The following PJA1 variants were observed in gnomAD, a reference collection of about 807,000 sequenced individuals.
PJA1 encodes E3 ubiquitin-protein ligase Praja-1.
A neutral mutation model predicts 14.1 loss-of-function variants in PJA1; 5 were observed. The ratio of observed to expected loss-of-function variants is 0.35; its 90% CI spans 0.18 to 0.74. PJA1 has a LOEUF of 0.74. Among genes scored for constraint, PJA1 ranks in the 30% least tolerant of loss-of-function variants. The pLI, the probability that PJA1 is intolerant of heterozygous loss-of-function variation, is 0.56. For synonymous variants in PJA1, 174 were observed against 190.9 expected (o/e 0.91, Z 0.73); for missense variants, 394 against 482.6 (o/e 0.82, Z 1.72).
intron 1 of PJA1, among the ~76,000 whole-genome samples, chrX:69,163,838 T>C (rs1325568442): frequency 9.0e-6 from 1 of 110,572 alleles, no homozygotes; most frequent in Admixed American, 9.6e-5. Flanking sequence ...GTATGAGTGT[T>C]AGAATGAGAC....
chrX:69,161,983 G>A lies in PJA1; in HGVS notation c.1091C>T (p.Pro364Leu), dbSNP rs372015478. 48 of 1,210,480 alleles carry A rather than the reference G, an allele frequency of 4.0e-5. No individual in the cohort carries two copies. Among genetic ancestry groups the A allele is most frequent in the Non-Finnish European group, 5.3e-5 (47 of 895,127 alleles). Reference protein sequence around the residue: ...VSASTGTSPGPGASASAGAGA... With the variant: ...VSASTGTSPGLGASASAGAGA... ...AGCCCCGGCACTGGCACTAGCACCG[G>A]GGCCAGGGCTGGTGCCAGTGCTGGC... The change falls in exon 2 of 2, where the codon CCC becomes CTC. Residue 364 changes from proline to leucine, a missense_variant. Pro to Leu is a moderately conservative substitution (Grantham distance 98). Around this residue, in one of 2 missense-constraint regions of PJA1, gnomAD observed 378 missense variants for 439.3 expected, o/e 0.86. Transcript: ENST00000374571.
At position 69,162,026 on chromosome X, in the gene PJA1, G is replaced by C. The variant is rs1436954253; in HGVS notation, c.1048C>G (p.Pro350Ala). The C allele has an allele frequency of 8.3e-7, 1 of 1,210,932 alleles. No homozygotes were observed. Among genetic ancestry groups the C allele is most frequent in the East Asian group, 3.0e-5 (1 of 33,702 alleles). Residue 350 changes from proline (P) to alanine (A), a missense_variant, in exon 2 of 2, where the codon CCA becomes GCA. This residue lies in a region of PJA1 where 378 missense variants were observed against 439.3 expected (regional missense o/e 0.86). Coordinates refer to ENST00000374571, the MANE Select transcript of PJA1 (RefSeq NM_001032396.4). ...TLPGKEEREP[P>A]QAKVSASTGT... ...GTGCTGGCACTCACCTTAGCCTGTG[G>C]AGGTTCCCGCTCTTCTTTCCCCGGC...
chrX:69,161,886 T>C lies in PJA1; in HGVS notation c.1188A>G (p.Glu396=), dbSNP rs150261275. The C allele has an allele frequency of 1.5e-3, 1,826 of 1,209,109 alleles. 2 individuals are homozygous for C. Among genetic ancestry groups the C allele is most frequent in the Non-Finnish European group, 1.9e-3 (1,722 of 894,914 alleles). Residue 396 remains glutamate, a synonymous_variant, in exon 2 of 2, where the codon GAA becomes GAG. Coordinates refer to ENST00000374571, the MANE Select transcript of PJA1 (RefSeq NM_001032396.4). The stretch of plus-strand genomic sequence containing the variant: ...CTCCTTCTTCCAGGGATGCCTGCTC[T>C]TCCTGAAGAGATGGTTCTCGAACTT... ...LEEVREPSLQ[E]EQASLEEGEI...
rs769798490 is a variant in PJA1 at position 69,161,863 on chromosome X, CCTT to C, written c.1208_1210del (p.Glu403del). On this transcript the variant is annotated inframe_deletion, in exon 2 of 2. Coordinates refer to ENST00000374571, the MANE Select transcript of PJA1 (RefSeq NM_001032396.4). Reference sequence around the variant, plus strand: ...ATGGTACTGGAGCCAAGGAATTTCTCCTTCTTCCAGGGATGCCTGCTCTTCCTG... The same window carrying C: ...ATGGTACTGGAGCCAAGGAATTTCTCCTTCCAGGGATGCCTGCTCTTCCTG... The C allele has an allele frequency of 1.7e-6, 2 of 1,209,352 alleles. No homozygotes were observed. The highest frequency in any genetic ancestry group is 3.0e-5 in the East Asian group (1 of 33,642).
At chrX:69,164,008 A>C (rs1216774288) in intron 1 of PJA1, among the ~76,000 whole-genome samples, 2 of 110,822 alleles carry the variant, frequency 1.8e-5, no homozygotes, top group African/African-American at 6.6e-5. Context: ...CGTATGTCAC[A>C]GGCAGAGGAG....
Position 69,162,681 on chromosome X carries a change from A to G in PJA1, c.393T>C (p.Pro131=). ...CTCTGCTAGCTGAGCATCTTGCTGC[A>G]GGGACTGGGTCTAACTTGTCTCGCT... The part of the protein sequence containing the change: ...REERDKLDPV[P]AARCSASRAD... The change falls in exon 2 of 2, where the codon CCT becomes CCC. Residue 131 remains proline, a synonymous_variant. Coordinates refer to ENST00000374571, the MANE Select transcript of PJA1 (RefSeq NM_001032396.4). The G allele has an allele frequency of 2.5e-6, 3 of 1,209,487 alleles. No individual in the cohort carries two copies. The highest frequency in any genetic ancestry group is 3.4e-6 in the Non-Finnish European group (3 of 894,222).
At position 69,162,263 on chromosome X, in the gene PJA1, G is replaced by A. The variant is rs763394320; in HGVS notation, c.811C>T (p.Arg271Trp). ...YPEPKYPEDK[R>W]EARSDQVKPE... ...TTCACTTGGTCACTCCTCGCTTCCCGTTTGTCTTCAGGGTACTTTGGCTCG... is the reference window on the plus strand; with the variant it reads ...TTCACTTGGTCACTCCTCGCTTCCCATTTGTCTTCAGGGTACTTTGGCTCG... The change falls in exon 2 of 2, where the codon CGG (arginine) becomes TGG (tryptophan). Residue 271 changes from arginine (R) to tryptophan (W), a missense_variant. Coordinates refer to ENST00000374571, the MANE Select transcript of PJA1 (RefSeq NM_001032396.4). 2.1e-5 allele frequency: 25 copies of A among 1,210,755 alleles called. No individual in the cohort carries two copies. The South Asian group carries it at 3.5e-4, about 17-fold the overall frequency.
In PJA1 at chrX:69,162,816, C is replaced by G; in HGVS notation, c.258G>C (p.Gly86=). 1.7e-6 allele frequency: 2 copies of G among 1,211,602 alleles called. No homozygotes were observed. Among genetic ancestry groups the G allele is most frequent in the Non-Finnish European group, 2.2e-6 (2 of 895,522 alleles). Residue 86 remains glycine (G), a synonymous_variant, in exon 2 of 2, where the codon GGG becomes GGC. Transcript: ENST00000374571. ...TATCATCTTTAAACTTGCCAGTTTT[C>G]CCTCTCACTGGCGGTCGCTCAACAG... ...AGPVERPPVR[G]KTGKFKDDKL... is the part of the protein sequence containing the mutation.
chrX:69,163,606 C>T (rs1569210300), intron 1 of PJA1: 1 of 182,750 alleles, frequency 5.5e-6, no homozygotes, highest in Non-Finnish European at 1.1e-5. Flanking sequence ...AATTGTGCAA[C>T]GTGGGGAAAG....
Position 69,162,669 on chromosome X carries a change from G to A in PJA1, c.405C>T (p.Cys135=). Residue 135 remains cysteine (C), a synonymous_variant, in exon 2 of 2, where the codon TGC becomes TGT. Coordinates refer to ENST00000374571, the MANE Select transcript of PJA1 (RefSeq NM_001032396.4). ...GCAGGAAGTCAGCTCTGCTAGCTGAGCATCTTGCTGCAGGGACTGGGTCTA... is the reference window on the plus strand; with the variant it reads ...GCAGGAAGTCAGCTCTGCTAGCTGAACATCTTGCTGCAGGGACTGGGTCTA... The part of the protein sequence containing the change: ...DKLDPVPAAR[C]SASRADFLPQ... The A allele has an allele frequency of 8.3e-7, 1 of 1,209,363 alleles. No homozygotes were observed. Among genetic ancestry groups the A allele is most frequent in the Non-Finnish European group, 1.1e-6 (1 of 894,224 alleles).
intron 1 of PJA1, among the ~76,000 whole-genome samples, chrX:69,165,165 A>G (rs1925235962): frequency 9.0e-6 from 1 of 111,532 alleles, no homozygotes. Flanking sequence ...ATGTGGCCCC[A>G]GAACAGGCCG....
chrX:69,164,909 T>C (rs188751144), intron 1 of PJA1, among the ~76,000 whole-genome samples: 189 of 111,877 alleles, frequency 1.7e-3, no homozygotes, highest in African/African-American at 5.9e-3. Context: ...CTTCCAATTT[T>C]TTCCCTGGGA....
At position 69,161,127 on chromosome X, in the gene PJA1, T is replaced by C; in HGVS notation, c.*180A>G. On this transcript the variant is annotated 3_prime_UTR_variant, in exon 2 of 2. Coordinates refer to ENST00000374571, the MANE Select transcript of PJA1 (RefSeq NM_001032396.4). ...CTTTTCTAACCTCTAAAAGATGATA[T>C]GATTTTTAATGCAATCATACACAAC... is the stretch of plus-strand genomic sequence containing the variant. The C allele has an allele frequency of 1.4e-6, 1 of 697,810 alleles. No homozygotes were observed. The highest frequency in any genetic ancestry group is 1.9e-6 in the Non-Finnish European group (1 of 515,622). The allele number at this position is 697,810 out of a possible 1,213,427, so 57.5% of individuals were successfully genotyped here. A position where few individuals can be genotyped will look rare whatever the true frequency, so the allele number is the denominator to read the frequency against.
At position 69,162,158 on chromosome X, in the gene PJA1, A is replaced by G. The variant is rs1925060872; in HGVS notation, c.916T>C (p.Cys306Arg). 1 of 1,211,336 alleles carries G rather than the reference A, an allele frequency of 8.3e-7. No individual in the cohort carries two copies. The highest frequency in any genetic ancestry group is 1.1e-6 in the Non-Finnish European group (1 of 895,441). The change falls in exon 2 of 2, where the codon TGC becomes CGC. Residue 306 changes from cysteine to arginine, a missense_variant. Around this residue, in one of 2 missense-constraint regions of PJA1, gnomAD observed 378 missense variants for 439.3 expected, o/e 0.86. Coordinates refer to ENST00000374571, the MANE Select transcript of PJA1 (RefSeq NM_001032396.4). ...WTHSDDYYKY[C>R]DEDSDSDKEW... Reference sequence around the variant, plus strand: ...TTGTCACTGTCAGAGTCTTCGTCGCAGTATTTGTAGTAATCATCACTGTGC... The same window carrying G: ...TTGTCACTGTCAGAGTCTTCGTCGCGGTATTTGTAGTAATCATCACTGTGC...
rs1925252502 is a variant in PJA1 at position 69,165,397 on chromosome X, CAG to C, written c.-95_-94del. The C allele has an allele frequency of 8.9e-6, 1 of 112,777 alleles. No homozygotes were observed. The highest frequency in any genetic ancestry group is 3.2e-5 in the African/African-American group (1 of 31,075). 9.3% of individuals were successfully genotyped at this position (112,777 alleles called of 1,213,427 possible). ...CAAGTCCAGAAAGCCACACGCTTTT[CAG>C]AGAAGCAGAGCTCTCGGATCTCCGA... On this transcript the variant is annotated 5_prime_UTR_variant, in exon 1 of 2. Coordinates refer to ENST00000374571, the MANE Select transcript of PJA1 (RefSeq NM_001032396.4).
In PJA1 at chrX:69,162,200, C is replaced by G. The variant is rs1418881921; in HGVS notation, c.874G>C (p.Asp292His). Residue 292 changes from aspartate (D) to histidine (H), a missense_variant, in exon 2 of 2, where the codon GAC becomes CAC. Transcript: ENST00000374571. ...KVPRRRRTMA[D>H]PDFWTHSDDY... ...TCACTGTGCGTCCAGAAGTCAGGGT[C>G]GGCCATGGTGCGTCGTCGTCTCGGC... 3 of 1,208,849 alleles carry G rather than the reference C, an allele frequency of 2.5e-6. No individual in the cohort carries two copies. Among genetic ancestry groups the G allele is most frequent in the Non-Finnish European group, 3.4e-6 (3 of 894,964 alleles).
chrX:69,162,768 C>T lies in PJA1; in HGVS notation c.306G>A (p.Gly102=). 1 of 1,210,542 alleles carries T rather than the reference C, an allele frequency of 8.3e-7. No individual in the cohort carries two copies. The highest frequency in any genetic ancestry group is 1.8e-5 in the South Asian group (1 of 56,665). ...GAGGTGGCCCAGCCAAAGACCTTGC[C>T]CCTTTCTCTGGGTCATACAGCTTAT... is the stretch of plus-strand genomic sequence containing the variant. ...KDDKLYDPEK[G]ARSLAGPPPH... is the part of the protein sequence containing the mutation. Residue 102 remains glycine, a synonymous_variant, in exon 2 of 2, where the codon GGG becomes GGA. Transcript: ENST00000374571.
chrX:69,162,028 G>T lies in PJA1; in HGVS notation c.1046C>A (p.Pro349His), dbSNP rs780628980. ...GCTGGCACTCACCTTAGCCTGTGGA[G>T]GTTCCCGCTCTTCTTTCCCCGGCAG... is the stretch of plus-strand genomic sequence containing the variant. ...ETLPGKEERE[P>H]PQAKVSASTG... Residue 349 changes from proline (P) to histidine (H), a missense_variant, in exon 2 of 2, where the codon CCT (proline) becomes CAT (histidine). Pro to His is a moderately conservative substitution (Grantham distance 77). Transcript: ENST00000374571. The T allele has an allele frequency of 1.7e-6, 2 of 1,211,006 alleles. No homozygotes were observed. Among genetic ancestry groups the T allele is most frequent in the Non-Finnish European group, 2.2e-6 (2 of 895,352 alleles).
rs180767696 is a variant in PJA1 at position 69,162,049 on chromosome X, G to C, written c.1025C>G (p.Pro342Arg). Residue 342 changes from proline to arginine, a missense_variant, in exon 2 of 2, where the codon CCG becomes CGG. This residue lies in a region of PJA1 where 378 missense variants were observed against 439.3 expected (regional missense o/e 0.86). Coordinates refer to ENST00000374571, the MANE Select transcript of PJA1 (RefSeq NM_001032396.4). ...TGGAGGTTCCCGCTCTTCTTTCCCC[G>C]GCAGAGTCTCCCAGCTTTCGCCACT... ...SSSGESWETL[P>R]GKEEREPPQA... 2.5e-6 allele frequency: 3 copies of C among 1,208,361 alleles called. No homozygotes were observed. Among genetic ancestry groups the C allele is most frequent in the Middle Eastern group, 2.3e-4 (1 of 4,368 alleles).
Sources: gnomAD v4.1 joint callset for allele counts (sites outside exome capture counted in the v4.1 genomes callset) on GRCh38, gnomAD v4.1.1 for gene constraint, gnomAD v4.1.1 regional missense constraint, MANE v1.5 for transcripts, NCBI Gene and HGNC (gene_info 2026-07-23, HGNC 2026-07-21) for gene names.